The following EYS variants were observed in gnomAD, a reference collection of about 807,000 sequenced individuals.
EYS encodes the protein protein eyes shut homolog.
A neutral mutation model predicts 282.1 loss-of-function variants in EYS; 250 were observed. The observed-to-expected ratio is 0.89, with a 90% CI of 0.80 to 0.98. The LOEUF (loss-of-function observed/expected upper bound fraction) is 0.98, where lower values mean the gene tolerates loss of function less well. Among genes scored for constraint, EYS ranks in the 50% least tolerant of loss-of-function variants. The pLI, the probability that EYS is intolerant of heterozygous loss-of-function variation, is 0.00. For synonymous variants in EYS, 1,355 were observed against 1,282.9 expected (o/e 1.06, Z -1.20); for missense variants, 4,016 against 3,709.0 (o/e 1.08, Z -2.15).
intron 22 of EYS, among the ~76,000 whole-genome samples, chr6:64,686,241 A>C (rs1159680278): frequency 6.6e-6 from 1 of 152,020 alleles, no homozygotes; most frequent in Non-Finnish European, 1.5e-5. Flanking sequence ...AAAAAGATAA[A>C]TTTCAATAAA....
intron 12 of EYS, among the ~76,000 whole-genome samples, chr6:65,146,828 A>C (rs1764490459): frequency 6.6e-6 from 1 of 151,974 alleles, no homozygotes. Flanking sequence ...AGTTCCATTT[A>C]TCAGTTTAAT....
In EYS at chr6:65,496,541, TGTTATTC is replaced by T. The variant is rs1766264755; in HGVS notation, c.-332-555_-332-549del. On this transcript the variant is annotated intron_variant, in intron 2 of 42. Transcript: ENST00000503581. ...AAACGTGTTCTTTGGATCTCAGTTATGTTATTCATTTGTTTAATGTCCTTAGGCAACC... is the reference window on the plus strand; with the variant it reads ...AAACGTGTTCTTTGGATCTCAGTTATATTTGTTTAATGTCCTTAGGCAACC... 5.9e-5 allele frequency among the ~76,000 whole-genome samples: 9 copies of T among 152,198 alleles called. No individual in the cohort carries two copies. In the South Asian group the frequency reaches 1.9e-3, roughly 32 times the overall value.
chr6:64,537,332 T>C (rs1290527558), intron 26 of EYS, among the ~76,000 whole-genome samples: 1 of 151,590 alleles, frequency 6.6e-6, no homozygotes, highest in Non-Finnish European at 1.5e-5. Flanking sequence ...ACAAAGGACA[T>C]GAACTCATCA....
chr6:64,678,136 T>C (rs544044502), intron 22 of EYS, among the ~76,000 whole-genome samples: 1 of 152,320 alleles, frequency 6.6e-6, no homozygotes, highest in East Asian at 1.9e-4. Flanking sequence ...TCCTGTGTCC[T>C]TTTGTCACAT....
At chr6:63,800,079 T>C (rs1008703985) in intron 37 of EYS, among the ~76,000 whole-genome samples, 2 of 152,190 alleles carry the variant, frequency 1.3e-5, no homozygotes, top group African/African-American at 4.8e-5. Context: ...AAGGGAAGGA[T>C]GAGAAACACA....
intron 35 of EYS, among the ~76,000 whole-genome samples, chr6:63,928,781 T>A (rs180914267): frequency 6.6e-6 from 1 of 152,296 alleles, no homozygotes; most frequent in Non-Finnish European, 1.5e-5. Flanking sequence ...CTCAGCTTAA[T>A]GATACCCTAC....
At chr6:63,893,732 G>C (rs1431912077) in intron 35 of EYS, among the ~76,000 whole-genome samples, 1 of 151,968 alleles carries the variant, frequency 6.6e-6, no homozygotes. Context: ...AATAATAATA[G>C]TAATAAAAAC....
chr6:64,885,928 C>T (rs2150062766), intron 19 of EYS, among the ~76,000 whole-genome samples: 1 of 151,852 alleles, frequency 6.6e-6, no homozygotes, highest in South Asian at 2.1e-4. Context: ...TTTAACTACT[C>T]ATCCCTCAGG....
chr6:64,322,456 T>C (rs772996304), intron 29 of EYS, among the ~76,000 whole-genome samples: 8 of 151,978 alleles, frequency 5.3e-5, no homozygotes, highest in Non-Finnish European at 1.0e-4. Flanking sequence ...ATAATTCATA[T>C]AAAATTATAT....
intron 12 of EYS, among the ~76,000 whole-genome samples, chr6:65,084,815 A>G (rs1476636628): frequency 6.6e-6 from 1 of 152,174 alleles, no homozygotes; most frequent in African/African-American, 2.4e-5. Context: ...GGAAAAAACT[A>G]TAGCATACAG....
chr6:64,456,678 C>G (rs186040222), intron 26 of EYS, among the ~76,000 whole-genome samples: 2 of 151,862 alleles, frequency 1.3e-5, no homozygotes, highest in African/African-American at 2.4e-5. Context: ...GGTTTTTTTG[C>G]AGGCATATGC....
rs1222857719 is a variant in EYS at position 64,591,844 on chromosome 6, A to G, written c.4023T>C (p.Ser1341=). 6.4e-6 allele frequency: 10 copies of G among 1,551,282 alleles called. No individual in the cohort carries two copies. The highest frequency in any genetic ancestry group is 7.8e-6 in the Non-Finnish European group (9 of 1,146,686). Residue 1341 remains serine, a synonymous_variant, in exon 26 of 43, where the codon TCT becomes TCC. Coordinates refer to ENST00000503581, the MANE Select transcript of EYS (RefSeq NM_001142800.2). ...ATCGAGAAGAGGAAACATCTGCGGA[A>G]GAAAGAAGACTGTGTTTTGCTGAAA... The part of the protein sequence containing the change: ...RELSAKHSLL[S]SADVSSSRFL...
chr6:63,830,072 C>A (rs1280898168), intron 36 of EYS, among the ~76,000 whole-genome samples: 1 of 152,200 alleles, frequency 6.6e-6, no homozygotes, highest in Admixed American at 6.5e-5. Context: ...ACGTCACCAT[C>A]ATCAAAGACC....
At chr6:65,418,779 T>C (rs1325673373) in intron 5 of EYS, among the ~76,000 whole-genome samples, 12 of 151,986 alleles carry the variant, frequency 7.9e-5, no homozygotes, top group Non-Finnish European at 1.8e-4. Context: ...GACAAACGTA[T>C]ACCTGTGTAA....
At chr6:64,648,997 C>T (rs1212363295) in intron 22 of EYS, among the ~76,000 whole-genome samples, 1 of 152,016 alleles carries the variant, frequency 6.6e-6, no homozygotes, top group Non-Finnish European at 1.5e-5. Context: ...CTTGTAGGCA[C>T]TTGTGTGTGT....
chr6:64,945,833 T>C lies in EYS; in HGVS notation c.2341A>G (p.Lys781Glu). Residue 781 changes from lysine to glutamate, a missense_variant, in exon 15 of 43, where the codon AAG becomes GAG. Coordinates refer to ENST00000503581, the MANE Select transcript of EYS (RefSeq NM_001142800.2). Reference protein sequence around the residue: ...ESNECKMNPCKNNSTCTDLYK... With the variant: ...ESNECKMNPCENNSTCTDLYK... ...AGGTCAGTACAGGTGGAATTGTTCTTGCAAGGATTCATTTTACACTCATTG... is the reference window on the plus strand; with the variant it reads ...AGGTCAGTACAGGTGGAATTGTTCTCGCAAGGATTCATTTTACACTCATTG... The C allele has an allele frequency of 6.5e-7, 1 of 1,550,112 alleles. No homozygotes were observed. The highest frequency in any genetic ancestry group is 8.7e-7 in the Non-Finnish European group (1 of 1,145,968).
chr6:64,240,804 G>A (rs972709717), intron 30 of EYS, among the ~76,000 whole-genome samples: 4 of 152,166 alleles, frequency 2.6e-5, no homozygotes, highest in Admixed American at 1.3e-4. Context: ...TAGGGGTGGT[G>A]AGAGAGGGCA....
intron 32 of EYS, among the ~76,000 whole-genome samples, chr6:64,071,808 T>A (rs1285550130): frequency 6.6e-6 from 1 of 151,436 alleles, no homozygotes; most frequent in Non-Finnish European, 1.5e-5. Flanking sequence ...TTGTATCATA[T>A]CCAAACAAAT....
chr6:64,126,744 T>C (rs1245693418), intron 31 of EYS, among the ~76,000 whole-genome samples: 2 of 152,114 alleles, frequency 1.3e-5, no homozygotes, highest in Non-Finnish European at 2.9e-5. Flanking sequence ...TATAGTTTCA[T>C]TTCTAAATCC....
Sources: allele counts gnomAD v4.1 joint callset (sites outside exome capture counted in the v4.1 genomes callset), GRCh38; gene constraint gnomAD v4.1.1; transcripts MANE v1.5; gene names NCBI Gene and HGNC (gene_info 2026-07-23, HGNC 2026-07-21).